The following AK9 variants were observed in gnomAD, a reference collection of about 807,000 sequenced individuals.
The protein encoded by AK9 is adenylate kinase domain containing 1.
Under a neutral mutation model 239.6 loss-of-function variants are expected in AK9, and 191 were observed. That is an observed-to-expected ratio of 0.80 (90% CI 0.71 to 0.90). AK9 has a LOEUF of 0.90. AK9 is among the 40% of genes least tolerant of loss of function. The pLI, the probability that AK9 is intolerant of heterozygous loss-of-function variation, is 0.00. For missense variants in AK9, 1,995 were observed against 2,214.7 expected (o/e 0.90, Z 1.99); for synonymous variants, 689 against 721.0 (o/e 0.96, Z 0.71).
At chr6:109,609,990 G>A (rs1429942931) in intron 17 of AK9, among the ~76,000 whole-genome samples, 1 of 151,976 alleles carries the variant, frequency 6.6e-6, no homozygotes, top group Admixed American at 6.6e-5. Flanking sequence ...AATTAACCAG[G>A]GGTCAAAATT....
chr6:109,532,828 G>A (rs1235210282), intron 28 of AK9, among the ~76,000 whole-genome samples: 1 of 152,184 alleles, frequency 6.6e-6, no homozygotes, highest in Non-Finnish European at 1.5e-5. Flanking sequence ...TCCTCAGAAT[G>A]TAGGTTTAGG....
intron 1 of AK9, among the ~76,000 whole-genome samples, chr6:109,687,863 T>C (rs2128367652): frequency 6.6e-6 from 1 of 152,348 alleles, no homozygotes; most frequent in South Asian, 2.1e-4. Flanking sequence ...TGTAAGTGGA[T>C]GTAAAATACA....
At chr6:109,599,192 G>T (rs1300704568) in intron 17 of AK9, among the ~76,000 whole-genome samples, 2 of 152,070 alleles carry the variant, frequency 1.3e-5, no homozygotes, top group Non-Finnish European at 2.9e-5. Context: ...TTCTTCTAGG[G>T]TTTTTATGGT....
chr6:109,493,298 C>G lies in AK9; in HGVS notation c.*71G>C. On this transcript the variant is annotated 3_prime_UTR_variant, in exon 41 of 41. Coordinates refer to ENST00000424296, the MANE Select transcript of AK9 (RefSeq NM_001145128.3). ...CTTCCAAGAGGCCCAGATTTTCAAT[C>G]TACTTCTCTCAGTTTCCCTCTATCA... 1 of 1,494,750 alleles carries G rather than the reference C, an allele frequency of 6.7e-7. No individual in the cohort carries two copies. Among genetic ancestry groups the G allele is most frequent in the Non-Finnish European group, 9.2e-7 (1 of 1,091,334 alleles). 92.6% of individuals were successfully genotyped at this position (1,494,750 alleles called of 1,614,324 possible).
intron 15 of AK9, 121 bp downstream of exon 15, chr6:109,614,061 CT>C (rs1793877720): frequency 1.9e-5 from 17 of 874,570 alleles, no homozygotes; most frequent in Non-Finnish European, 3.0e-5. Flanking sequence ...AAATATTTAG[CT>C]TTTTTCCTCC....
chr6:109,573,463 GGAC>G lies in AK9; in HGVS notation c.2320_2322del (p.Val774del). 6.5e-7 allele frequency: 1 copy of G among 1,548,680 alleles called. No homozygotes were observed. The highest frequency in any genetic ancestry group is 8.7e-7 in the Non-Finnish European group (1 of 1,145,966). On this transcript the variant is annotated inframe_deletion, in exon 21 of 41. Coordinates refer to ENST00000424296, the MANE Select transcript of AK9 (RefSeq NM_001145128.3). ...TAACCTGCTTCAGGCTCAGTTTCAG[GGAC>G]CTCAGATGCTTCAAACTCCTCAGGT...
At chr6:109,604,214 C>T (rs552658924) in intron 17 of AK9, among the ~76,000 whole-genome samples, 19 of 152,104 alleles carry the variant, frequency 1.2e-4, no homozygotes, top group African/African-American at 3.9e-4. Context: ...ATCTTGGAAC[C>T]GCCGTGTAAA....
intron 17 of AK9, among the ~76,000 whole-genome samples, chr6:109,600,506 C>T (rs570652712): frequency 3.3e-5 from 5 of 152,188 alleles, no homozygotes; most frequent in East Asian, 1.9e-4. Flanking sequence ...ATTTTTGCAT[C>T]GATGTTCATC....
intron 5 of AK9, among the ~76,000 whole-genome samples, chr6:109,664,457 T>C (rs1311494343): frequency 6.6e-6 from 1 of 152,140 alleles, no homozygotes; most frequent in East Asian, 2.0e-4. Context: ...CAGAATCTTG[T>C]TCTGTCACCC....
chr6:109,660,049 T>G (rs1270648100), intron 6 of AK9, among the ~76,000 whole-genome samples: 1 of 152,210 alleles, frequency 6.6e-6, no homozygotes, highest in Non-Finnish European at 1.5e-5. Context: ...CAACTAACCC[T>G]GTAAGATAAG....
chr6:109,629,084 T>G (rs986550806), intron 12 of AK9, among the ~76,000 whole-genome samples: 1 of 152,068 alleles, frequency 6.6e-6, no homozygotes, highest in African/African-American at 2.4e-5. Context: ...GGGTCAGAGA[T>G]AACAATTTTT....
intron 7 of AK9, among the ~76,000 whole-genome samples, chr6:109,657,620 T>C (rs1166562079): frequency 6.6e-6 from 1 of 151,902 alleles, no homozygotes; most frequent in East Asian, 1.9e-4. Context: ...TACATATGTA[T>C]ACACGTGCCA....
chr6:109,526,715 T>C (rs963356653), intron 29 of AK9, among the ~76,000 whole-genome samples: 1 of 152,190 alleles, frequency 6.6e-6, no homozygotes, highest in African/African-American at 2.4e-5. Context: ...TATGCTGTGG[T>C]GTGACTGACA....
At chr6:109,597,034 G>A (rs1266713820) in intron 17 of AK9, among the ~76,000 whole-genome samples, 6 of 151,944 alleles carry the variant, frequency 3.9e-5, no homozygotes, top group African/African-American at 7.3e-5. Flanking sequence ...ATAACACTGT[G>A]AAGAAAATCT....
intron 25 of AK9, 30 bp downstream of exon 25, chr6:109,550,060 G>T (rs1296887490): frequency 1.3e-6 from 2 of 1,598,872 alleles, no homozygotes; most frequent in Non-Finnish European, 8.5e-7. Context: ...TCCTGTGGGA[G>T]CAATCATTAA....
intron 17 of AK9, among the ~76,000 whole-genome samples, chr6:109,604,075 T>A (rs1043554738): frequency 3.3e-5 from 5 of 151,662 alleles, no homozygotes; most frequent in Non-Finnish European, 5.9e-5. Context: ...CTGCCCCCAC[T>A]ATCCTGCACC....
chr6:109,618,065 G>A (rs1299195571), intron 13 of AK9, among the ~76,000 whole-genome samples: 1 of 152,130 alleles, frequency 6.6e-6, no homozygotes, highest in Non-Finnish European at 1.5e-5. Context: ...TATTACTTTT[G>A]TCATCAGAAA....
chr6:109,499,278 T>C (rs1438185622), intron 35 of AK9, 38 bp from the exon 36 acceptor site: 1 of 1,354,458 alleles, frequency 7.4e-7, no homozygotes, highest in East Asian at 2.7e-5. Flanking sequence ...TGTATATATT[T>C]TTCATAGAGA....
At chr6:109,655,498 T>G (rs945866578) in intron 8 of AK9, among the ~76,000 whole-genome samples, 1 of 152,198 alleles carries the variant, frequency 6.6e-6, no homozygotes, top group Non-Finnish European at 1.5e-5. Flanking sequence ...TTAGTTTGAG[T>G]GTGGTTTCAT....
Sources: gnomAD v4.1 joint callset for allele counts (sites outside exome capture counted in the v4.1 genomes callset) on GRCh38, gnomAD v4.1.1 for gene constraint, MANE v1.5 for transcripts, NCBI Gene and HGNC (gene_info 2026-07-23, HGNC 2026-07-21) for gene names.